Variants in BANP observed in about 807,000 individuals in gnomAD.
BANP encodes the protein BTG3 associated nuclear protein, also known as protein BANP.
In BANP, 11 loss-of-function variants were observed where a neutral mutation model predicts 68.1. The ratio of observed to expected loss-of-function variants is 0.16; its 90% CI spans 0.10 to 0.27. The LOEUF is 0.27. Ranked by LOEUF, BANP falls within the 10% of genes least tolerant of loss-of-function variation. The pLI, the probability that BANP is intolerant of heterozygous loss-of-function variation, is 1.00. For missense variants in BANP, 504 were observed against 722.7 expected (o/e 0.70, Z 3.47); for synonymous variants, 329 against 303.2 (o/e 1.09, Z -0.88).
intron 6 of BANP, among the ~76,000 whole-genome samples, chr16:88,011,525 C>T (rs933971233): frequency 1.4e-4 from 22 of 152,084 alleles, no homozygotes; most frequent in Non-Finnish European, 7.3e-5. Context: ...ACAATAGAAT[C>T]GTTGATGGAA....
chr16:88,040,680 A>G (rs1297800663), intron 11 of BANP, among the ~76,000 whole-genome samples: 1 of 152,216 alleles, frequency 6.6e-6, no homozygotes, highest in South Asian at 2.1e-4. Flanking sequence ...AGCATCCTTC[A>G]TGTGACACTG....
chr16:87,949,947 G>A (rs1042771786), upstream of BANP, among the ~76,000 whole-genome samples: 1 of 149,288 alleles, frequency 6.7e-6, no homozygotes, highest in African/African-American at 2.5e-5. Context: ...GCGCCATCTC[G>A]GCTCACTGCA....
intron 13 of BANP, among the ~76,000 whole-genome samples, chr16:88,075,262 C>G (rs1246312048): frequency 1.3e-5 from 2 of 152,200 alleles, no homozygotes; most frequent in Non-Finnish European, 2.9e-5. Flanking sequence ...AGGAGAACTG[C>G]TTGAACCCGG....
intron 11 of BANP, among the ~76,000 whole-genome samples, chr16:88,054,443 C>G (rs1447719878): frequency 2.6e-5 from 4 of 152,156 alleles, no homozygotes; most frequent in Admixed American, 1.3e-4. Context: ...ACCACCTCCA[C>G]CACTATTATG....
At chr16:87,964,487 C>T (rs2059700359) in intron 1 of BANP, among the ~76,000 whole-genome samples, 1 of 152,130 alleles carries the variant, frequency 6.6e-6, no homozygotes, top group South Asian at 2.1e-4. Flanking sequence ...TGGTAGGACC[C>T]TGAGCTGAGT....
Position 88,076,731 on chromosome 16 carries a change from C to CA in BANP, c.*71dup, listed in dbSNP as rs879104682. On this transcript the variant is annotated 3_prime_UTR_variant, in exon 14 of 14. Coordinates refer to ENST00000682872, the MANE Select transcript of BANP (RefSeq NM_001386991.1). ...GCCCGGCCCCCACGCGCCCTGCTCT[C>CA]ACGGCCTCGGCACAGGCAGCGGCTG... 2.3e-6 allele frequency: 3 copies of CA among 1,328,934 alleles called. No homozygotes were observed. In the South Asian group the frequency reaches 3.9e-5, roughly 17 times the overall value. 82.3% of individuals were successfully genotyped at this position (1,328,934 alleles called of 1,614,324 possible).
chr16:87,970,564 C>A (rs114076781), intron 1 of BANP, among the ~76,000 whole-genome samples: 1,673 of 152,178 alleles, frequency 0.011, 34 homozygotes, highest in African/African-American at 0.039. Flanking sequence ...CTTTTTATTA[C>A]CATTAAACAA....
intron 4 of BANP, among the ~76,000 whole-genome samples, chr16:87,994,832 ATGTT>A (rs2066755575): frequency 6.6e-6 from 1 of 152,322 alleles, no homozygotes; most frequent in South Asian, 2.1e-4. Flanking sequence ...CTTTTAGTAA[ATGTT>A]TGATTAGTCT....
chr16:88,066,732 GT>G (rs895040412), intron 12 of BANP, among the ~76,000 whole-genome samples: 19 of 151,820 alleles, frequency 1.3e-4, no homozygotes, highest in Admixed American at 2.6e-4. Flanking sequence ...ATTTTGTTCA[GT>G]TTTTTTTTCC....
intron 12 of BANP, among the ~76,000 whole-genome samples, chr16:88,069,089 A>G (rs1486701159): frequency 1.3e-5 from 2 of 152,148 alleles, no homozygotes; most frequent in African/African-American, 4.8e-5. Context: ...CGTCTCGTGA[A>G]ACAGTCCAGA....
rs772587058 is a variant in BANP, at chr16:87,981,047, A to G, written c.82A>G (p.Asn28Asp). The change falls in exon 3 of 14, where the codon AAT becomes GAT. Residue 28 changes from asparagine (N) to aspartate (D), a missense_variant. Transcript: ENST00000682872. Reference protein sequence around the residue: ...LSPDHPVVLENHVVTDEDEPA... With the variant: ...LSPDHPVVLEDHVVTDEDEPA... The stretch of plus-strand genomic sequence containing the variant: ...GTCACTGATTTCAGTTGTTTTGGAG[A>G]ATCATGTAGTGACAGATGAAGACGA... The G allele has an allele frequency of 3.5e-5, 56 of 1,612,408 alleles. No individual in the cohort carries two copies. The South Asian group carries it at 5.9e-4, about 17-fold the overall frequency.
chr16:88,028,609 C>T (rs557470737), intron 8 of BANP, among the ~76,000 whole-genome samples: 1 of 152,332 alleles, frequency 6.6e-6, no homozygotes, highest in South Asian at 2.1e-4. Flanking sequence ...CTCTTCTATT[C>T]TAGGCCTTTC....
At chr16:88,065,906 C>T (rs2088430640) in intron 12 of BANP, among the ~76,000 whole-genome samples, 1 of 152,110 alleles carries the variant, frequency 6.6e-6, no homozygotes. Context: ...GGGAGGGCCC[C>T]AGCCATGCTT....
chr16:88,065,529 G>A lies in BANP; in HGVS notation c.1377+197G>A, dbSNP rs553985120. ...CACCTAAACAGGGCCCAGGGATTGG[G>A]ACCTGGGTGTCTTTGTGGGGTGGGT... On this transcript the variant is annotated intron_variant, in intron 12 of 13. Coordinates refer to ENST00000682872, the MANE Select transcript of BANP (RefSeq NM_001386991.1). 3.3e-4 allele frequency among the ~76,000 whole-genome samples: 51 copies of A among 152,352 alleles called. 1 individual carries two copies. In the South Asian group the frequency reaches 9.5e-3, roughly 28 times the overall value.
intron 13 of BANP, among the ~76,000 whole-genome samples, chr16:88,073,189 A>G (rs570587467): frequency 1.1e-3 from 167 of 152,212 alleles, no homozygotes; most frequent in African/African-American, 3.8e-3. Flanking sequence ...CACGCTCACC[A>G]GGGTGCGCAG....
chr16:88,037,794 T>C (rs1182795643), intron 10 of BANP, 179 bp from the exon 11 acceptor site: 1 of 630,390 alleles, frequency 1.6e-6, no homozygotes, highest in Non-Finnish European at 2.9e-6. Flanking sequence ...AAATAGTACC[T>C]AGAAATGTCA....
intron 13 of BANP, among the ~76,000 whole-genome samples, chr16:88,074,517 GC>G (rs1782444621): frequency 6.6e-6 from 1 of 152,090 alleles, no homozygotes; most frequent in South Asian, 2.1e-4. Context: ...ACCATCTGTA[GC>G]AGAGGCAGCA....
chr16:88,060,826 CT>C (rs2086548597), intron 11 of BANP, among the ~76,000 whole-genome samples: 2 of 152,152 alleles, frequency 1.3e-5, no homozygotes, highest in South Asian at 2.1e-4. Context: ...CAGATACATC[CT>C]TATTTTCTTC....
intron 6 of BANP, among the ~76,000 whole-genome samples, chr16:88,014,642 G>C (rs543581287): frequency 1.5e-4 from 23 of 152,124 alleles, no homozygotes. Context: ...TTAGCAGCTT[G>C]GTGGCTACAG....
Sources: gnomAD v4.1 joint callset for allele counts (sites outside exome capture counted in the v4.1 genomes callset) on GRCh38, gnomAD v4.1.1 for gene constraint, MANE v1.5 for transcripts, NCBI Gene and HGNC (gene_info 2026-07-23, HGNC 2026-07-21) for gene names.